The following PCNX1 variants were observed in gnomAD, a reference collection of about 807,000 sequenced individuals.
The protein encoded by PCNX1 is pecanex-like protein 1.
In PCNX1, 78 loss-of-function variants were observed where a neutral mutation model predicts 242.2. The ratio of observed to expected loss-of-function variants is 0.32; its 90% CI spans 0.27 to 0.39. The LOEUF (loss-of-function observed/expected upper bound fraction) is 0.39, where lower values mean the gene tolerates loss of function less well. Ranked by LOEUF, PCNX1 falls within the 10% of genes least tolerant of loss-of-function variation. The pLI is 1.00. For missense variants in PCNX1, 2,581 were observed against 2,856.5 expected, an observed-to-expected ratio of 0.90 and a Z score of 2.20; for synonymous variants, 1,024 against 1,032.9, an observed-to-expected ratio of 0.99 and a Z score of 0.17.
rs2059417133 is a variant in PCNX1 at position 70,998,565 on chromosome 14, A to T, written c.2629+2640A>T. Among the ~76,000 whole-genome samples, 3 of 151,970 alleles carry T rather than the reference A, an allele frequency of 2.0e-5. No individual in the cohort carries two copies. The South Asian group carries it at 6.2e-4, about 32-fold the overall frequency. The stretch of plus-strand genomic sequence containing the variant: ...CAGTAGTTCTAGAGCAGCCTGGCCA[A>T]AATGGTGAATCCCCATCTCTACTAA... On this transcript the variant is annotated intron_variant, in intron 8 of 35. Coordinates refer to ENST00000304743, the MANE Select transcript of PCNX1 (RefSeq NM_014982.3).
At chr14:70,999,184 T>G (rs2059435456) in intron 8 of PCNX1, among the ~76,000 whole-genome samples, 1 of 152,242 alleles carries the variant, frequency 6.6e-6, no homozygotes. Flanking sequence ...TCTCAGTTAC[T>G]AATCCTAGTT....
intron 8 of PCNX1, 74 bp from the exon 9 acceptor site, chr14:71,009,559 AC>A: frequency 6.1e-6 from 5 of 822,684 alleles, no homozygotes; most frequent in Admixed American, 2.8e-5. Context: ...GTAGAAACTT[AC>A]GAAATTTAGT....
intron 5 of PCNX1, among the ~76,000 whole-genome samples, chr14:70,972,222 A>T (rs1412695736): frequency 6.8e-6 from 1 of 147,592 alleles, no homozygotes; most frequent in African/African-American, 2.5e-5. Flanking sequence ...GCCAACTGAA[A>T]GGGGAAAGAC....
intron 6 of PCNX1, among the ~76,000 whole-genome samples, chr14:70,985,979 C>T (rs2058991099): frequency 6.6e-6 from 1 of 151,694 alleles, no homozygotes; most frequent in Non-Finnish European, 1.5e-5. Context: ...CAATTGGATT[C>T]TGGAAGGGAA....
chr14:71,045,772 A>G (rs2060843552), intron 20 of PCNX1, among the ~76,000 whole-genome samples: 1 of 152,204 alleles, frequency 6.6e-6, no homozygotes, highest in Non-Finnish European at 1.5e-5. Flanking sequence ...CAAAGTAAAA[A>G]GAAATTAAAA....
At chr14:70,942,598 C>A (rs912434388) in intron 1 of PCNX1, among the ~76,000 whole-genome samples, 26 of 152,146 alleles carry the variant, frequency 1.7e-4, no homozygotes, top group African/African-American at 5.6e-4. Flanking sequence ...CCTGGAGATA[C>A]TATTAATACA....
At chr14:71,094,866 G>T (rs1421082071) in intron 30 of PCNX1, among the ~76,000 whole-genome samples, 1 of 152,142 alleles carries the variant, frequency 6.6e-6, no homozygotes, top group East Asian at 1.9e-4. Context: ...AAGAGTTTGA[G>T]GTTACAGTGA....
chr14:71,054,840 T>G (rs2061136984), intron 24 of PCNX1, among the ~76,000 whole-genome samples: 1 of 152,210 alleles, frequency 6.6e-6, no homozygotes, highest in Admixed American at 6.5e-5. Flanking sequence ...ATTGCTTCAT[T>G]AGGGACATTT....
chr14:71,079,333 T>C (rs987915989), intron 28 of PCNX1, among the ~76,000 whole-genome samples: 1 of 152,222 alleles, frequency 6.6e-6, no homozygotes, highest in African/African-American at 2.4e-5. Flanking sequence ...TATAGTAGAA[T>C]GATTTATAAT....
intron 1 of PCNX1, among the ~76,000 whole-genome samples, chr14:70,945,940 C>G (rs1203392941): frequency 6.6e-6 from 1 of 152,152 alleles, no homozygotes; most frequent in East Asian, 1.9e-4. Flanking sequence ...GGTGATTTTT[C>G]TCATGAAATT....
chr14:70,978,953 T>A (rs1183408607), intron 6 of PCNX1, among the ~76,000 whole-genome samples: 2 of 152,162 alleles, frequency 1.3e-5, no homozygotes, highest in African/African-American at 4.8e-5. Flanking sequence ...AAATTAGCCC[T>A]CTTCCTTTGT....
At position 70,988,642 on chromosome 14, in the gene PCNX1, G is replaced by C. The variant is rs776827561; in HGVS notation, c.2387G>C (p.Arg796Pro). The change falls in exon 7 of 36, where the codon CGG (arginine) becomes CCG (proline). Residue 796 changes from arginine to proline, a missense_variant. Around this residue, in one of 9 missense-constraint regions of PCNX1, gnomAD observed 1,204 missense variants for 1,216.7 expected, o/e 0.99. Transcript: ENST00000304743. ...STFRRQAVRR[R>P]HNAGSNPTPP... is the part of the protein sequence containing the mutation. ...TTTAGGCGCCAGGCAGTACGGCGCCGGCACAATGCAGGGAGTAACCCTACC... is the reference window on the plus strand; with the variant it reads ...TTTAGGCGCCAGGCAGTACGGCGCCCGCACAATGCAGGGAGTAACCCTACC... 1.9e-6 allele frequency: 3 copies of C among 1,613,936 alleles called. No homozygotes were observed. The highest frequency in any genetic ancestry group is 2.5e-6 in the Non-Finnish European group (3 of 1,179,948).
intron 26 of PCNX1, among the ~76,000 whole-genome samples, chr14:71,062,587 G>A (rs1337002085): frequency 1.3e-5 from 2 of 151,944 alleles, no homozygotes; most frequent in African/African-American, 4.8e-5. Context: ...TTTAATTTAA[G>A]CGTTATTACA....
At chr14:71,058,263 AT>A (rs1312825445) in intron 26 of PCNX1, among the ~76,000 whole-genome samples, 1 of 152,146 alleles carries the variant, frequency 6.6e-6, no homozygotes, top group Non-Finnish European at 1.5e-5. Flanking sequence ...ATTCCAAAGC[AT>A]TTTCATCACT....
intron 8 of PCNX1, among the ~76,000 whole-genome samples, chr14:70,999,809 T>A (rs1348938564): frequency 6.6e-6 from 1 of 152,186 alleles, no homozygotes; most frequent in Admixed American, 6.5e-5. Context: ...GAGACTCAGG[T>A]GATCAACAGT....
intron 16 of PCNX1, among the ~76,000 whole-genome samples, chr14:71,030,085 G>C (rs1001088852): frequency 2.6e-5 from 4 of 152,078 alleles, no homozygotes; most frequent in African/African-American, 9.7e-5. Flanking sequence ...ACATCTTTTG[G>C]TTTTTTTAGT....
rs2062029992 is a variant in PCNX1, at chr14:71,087,782, GA to G, written c.5338-547del. On this transcript the variant is annotated intron_variant, in intron 28 of 35. Transcript: ENST00000304743. The stretch of plus-strand genomic sequence containing the variant: ...TTGGGCTTTCTTAGAGGGAGAAACA[GA>G]GGAGACTTAGCAGCTTCTTTCAATT... Among the ~76,000 whole-genome samples, 3 of 152,262 alleles carry G rather than the reference GA, an allele frequency of 2.0e-5. No homozygotes were observed. The South Asian group carries it at 6.2e-4, about 32-fold the overall frequency.
At chr14:70,996,459 T>C (rs961927911) in intron 8 of PCNX1, among the ~76,000 whole-genome samples, 1 of 152,112 alleles carries the variant, frequency 6.6e-6, no homozygotes, top group African/African-American at 2.4e-5. Flanking sequence ...ATAATAACTT[T>C]ATAAAGTTTA....
At chr14:70,997,660 C>T (rs2059391279) in intron 8 of PCNX1, among the ~76,000 whole-genome samples, 1 of 152,060 alleles carries the variant, frequency 6.6e-6, no homozygotes, top group African/African-American at 2.4e-5. Flanking sequence ...CTCGCTCTAT[C>T]GTATTTGAAT....
Sources: allele counts gnomAD v4.1 joint callset (sites outside exome capture counted in the v4.1 genomes callset), GRCh38; gene constraint gnomAD v4.1.1; regional missense constraint gnomAD v4.1.1; transcripts MANE v1.5; gene names NCBI Gene and HGNC (gene_info 2026-07-23, HGNC 2026-07-21).